Variants in FBLN7 observed in about 807,000 individuals in gnomAD.
FBLN7 encodes the protein fibulin 7.
Under a neutral mutation model 44.0 loss-of-function variants are expected in FBLN7, and 31 were observed. That is an observed-to-expected ratio of 0.70 (90% CI 0.53 to 0.95). The LOEUF (loss-of-function observed/expected upper bound fraction) is 0.95. Ranked by LOEUF, FBLN7 falls within the 40% of genes least tolerant of loss-of-function variation. The pLI, the probability that FBLN7 is intolerant of heterozygous loss-of-function variation, is 0.00. For missense variants in FBLN7, 573 were observed against 618.5 expected, an observed-to-expected ratio of 0.93 and a Z score of 0.78; for synonymous variants, 262 against 253.4, an observed-to-expected ratio of 1.03 and a Z score of -0.32.
the FBLN7 span, among the ~76,000 whole-genome samples, chr2:112,204,129 T>A: frequency 2.8e-4 from 42 of 151,940 alleles, no homozygotes; most frequent in South Asian, 4.2e-4. Flanking sequence ...AGAAACTTTT[T>A]AAAAAAACAA....
At chr2:112,175,149 G>T (rs551390248) in intron 3 of FBLN7, among the ~76,000 whole-genome samples, 1 of 152,172 alleles carries the variant, frequency 6.6e-6, no homozygotes, top group Non-Finnish European at 1.5e-5. Context: ...CTCTTACCTG[G>T]TCAAGCACAG....
the FBLN7 span, among the ~76,000 whole-genome samples, chr2:112,227,871 A>G: frequency 8.2e-6 from 1 of 121,942 alleles, no homozygotes. Flanking sequence ...TCTATGTGCA[A>G]TTTTCCACAG....
the FBLN7 span, among the ~76,000 whole-genome samples, chr2:112,209,008 A>T: frequency 6.6e-6 from 1 of 152,192 alleles, no homozygotes; most frequent in African/African-American, 2.4e-5. Context: ...TTCCCTTAAA[A>T]ATGCATATTA....
intron 3 of FBLN7, 109 bp downstream of exon 3, chr2:112,165,280 T>C: frequency 5.1e-6 from 7 of 1,368,840 alleles, no homozygotes; most frequent in Non-Finnish European, 6.9e-6. Flanking sequence ...GGTTCTTTAA[T>C]CATTCCTCAA....
intron 3 of FBLN7, among the ~76,000 whole-genome samples, chr2:112,170,712 A>T (rs1222536035): frequency 1.3e-5 from 2 of 152,214 alleles, no homozygotes; most frequent in African/African-American, 4.8e-5. Flanking sequence ...CACTGTAGTC[A>T]TGGGCCATGC....
chr2:112,173,569 T>G (rs1342304516), intron 3 of FBLN7, among the ~76,000 whole-genome samples: 1 of 151,968 alleles, frequency 6.6e-6, no homozygotes. Flanking sequence ...AGGAAGGAAT[T>G]AGAAATAAAA....
intron 3 of FBLN7, among the ~76,000 whole-genome samples, chr2:112,173,760 C>G (rs888320492): frequency 6.6e-6 from 1 of 152,248 alleles, no homozygotes; most frequent in Admixed American, 6.5e-5. Flanking sequence ...CTGGGACATA[C>G]GTGCGTGTGA....
chr2:112,143,810 T>C (rs1349298307), intron 1 of FBLN7, among the ~76,000 whole-genome samples: 1 of 152,176 alleles, frequency 6.6e-6, no homozygotes, highest in Non-Finnish European at 1.5e-5. Flanking sequence ...CTCGAACTCC[T>C]GGGCTCAAGC....
chr2:112,184,088 C>T (rs1367460632), intron 6 of FBLN7, among the ~76,000 whole-genome samples: 1 of 152,174 alleles, frequency 6.6e-6, no homozygotes, highest in Non-Finnish European at 1.5e-5. Context: ...TCATCCTGAC[C>T]CTTGGCCCTT....
intron 2 of FBLN7, among the ~76,000 whole-genome samples, chr2:112,160,732 GCACACGCACA>G (rs1558879882): frequency 1.7e-4 from 14 of 83,618 alleles, no homozygotes; most frequent in Middle Eastern, 0.011. Context: ...GCACACGCAC[GCACACGCACA>G]CACGCGCACG....
At chr2:112,211,342 T>C in the FBLN7 span, among the ~76,000 whole-genome samples, 1 of 152,158 alleles carries the variant, frequency 6.6e-6, no homozygotes, top group Non-Finnish European at 1.5e-5. Flanking sequence ...ATATTCATAA[T>C]AATGCCCACA....
At chr2:112,220,814 T>G in the FBLN7 span, among the ~76,000 whole-genome samples, 3 of 152,098 alleles carry the variant, frequency 2.0e-5, no homozygotes, top group Admixed American at 1.3e-4. Flanking sequence ...AGAGCGAAAC[T>G]CCATCTCAAA....
the FBLN7 span, chr2:112,231,873 G>A: frequency 6.3e-7 from 1 of 1,593,552 alleles, no homozygotes; most frequent in Non-Finnish European, 8.6e-7. Context: ...GGAGTCAGTG[G>A]AGCATGAGAA....
At chr2:112,184,709 TG>T (rs1337326680) in intron 6 of FBLN7, among the ~76,000 whole-genome samples, 1 of 145,280 alleles carries the variant, frequency 6.9e-6, no homozygotes, top group African/African-American at 2.5e-5. Context: ...TATATGAATA[TG>T]GTATATGTAT....
chr2:112,234,341 C>T, the FBLN7 span: 4 of 857,882 alleles, frequency 4.7e-6, no homozygotes, highest in South Asian at 7.1e-5. Context: ...TTAAAGGTGA[C>T]TCTTCTAAAT....
At position 112,187,126 on chromosome 2, in the gene FBLN7, C is replaced by T. The variant is rs774067722; in HGVS notation, c.948-8C>T. 47 of 1,612,166 alleles carry T rather than the reference C, an allele frequency of 2.9e-5. No individual in the cohort carries two copies. Among genetic ancestry groups the T allele is most frequent in the South Asian group, 2.3e-4 (21 of 90,986 alleles). ...GCTGACTGCCTCCATTTTGCCTCTC[C>T]GCTCCAGCCAGTGTGAGCGGAACCC... is the stretch of plus-strand genomic sequence containing the variant. On this transcript the variant is annotated splice_region_variant and splice_polypyrimidine_tract_variant and intron_variant, in intron 7 of 7. Coordinates refer to ENST00000331203, the MANE Select transcript of FBLN7 (RefSeq NM_153214.3). The surrounding 1 kb of genome is among the most constrained non-coding windows in gnomAD (Gnocchi z 5.1).
intron 4 of FBLN7, among the ~76,000 whole-genome samples, chr2:112,180,109 C>T (rs2104599583): frequency 6.6e-6 from 1 of 152,240 alleles, no homozygotes. Context: ...GGTCTAATAT[C>T]CAGCGTCTAT....
chr2:112,202,325 C>T, the FBLN7 span, among the ~76,000 whole-genome samples: 2 of 151,986 alleles, frequency 1.3e-5, no homozygotes, highest in African/African-American at 2.4e-5. Flanking sequence ...AATAAAAGTA[C>T]TAGAAGACGA....
In FBLN7 at chr2:112,187,367, G is replaced by C; in HGVS notation, c.1181G>C (p.Gly394Ala). ...ATGCAGCGTTCAGACCGGCAGACTG[G>C]GGATCTGATCCTTGTGCAGAACCTG... Reference protein sequence around the residue: ...FVMQRSDRQTGDLILVQNLEG... With the variant: ...FVMQRSDRQTADLILVQNLEG... The change falls in exon 8 of 8, where the codon GGG becomes GCG. Residue 394 changes from glycine (G) to alanine (A), a missense_variant. Transcript: ENST00000331203. This position sits in a 1 kb window ranked among gnomAD's most constrained non-coding sequence, Gnocchi z 5.1. 3 of 1,614,182 alleles carry C rather than the reference G, an allele frequency of 1.9e-6. No individual in the cohort carries two copies. The highest frequency in any genetic ancestry group is 2.5e-6 in the Non-Finnish European group (3 of 1,180,044).
Sources: allele counts gnomAD v4.1 joint callset (sites outside exome capture counted in the v4.1 genomes callset), GRCh38; gene constraint gnomAD v4.1.1; non-coding constraint Gnocchi (gnomAD v3.1); transcripts MANE v1.5; gene names NCBI Gene and HGNC (gene_info 2026-07-23, HGNC 2026-07-21).